The following FA2H variants were observed in gnomAD, a reference collection of about 807,000 sequenced individuals.
FA2H encodes fatty acid 2-hydroxylase.
Under a neutral mutation model 44.9 loss-of-function variants are expected in FA2H, and 22 were observed. That is an observed-to-expected ratio of 0.49 (90% CI 0.35 to 0.70). The LOEUF is 0.70. Ranked by LOEUF, FA2H falls within the 30% of genes least tolerant of loss-of-function variation. FA2H has a pLI of 0.01. For synonymous variants in FA2H, 243 were observed against 213.2 expected, an observed-to-expected ratio of 1.14 and a Z score of -1.22; for missense variants, 501 against 504.9, an observed-to-expected ratio of 0.99 and a Z score of 0.07.
chr16:74,723,600 G>A (rs1233219785), intron 4 of FA2H, among the ~76,000 whole-genome samples: 2 of 152,192 alleles, frequency 1.3e-5, no homozygotes, highest in African/African-American at 2.4e-5. Context: ...TACCAAAGGA[G>A]TCAGGTTCAA....
At chr16:74,744,653 T>A (rs777037150) in intron 1 of FA2H, among the ~76,000 whole-genome samples, 2 of 152,082 alleles carry the variant, frequency 1.3e-5, no homozygotes, top group Non-Finnish European at 2.9e-5. Context: ...GGTCTTGATC[T>A]ATTGCTCAGG....
chr16:74,729,277 G>A (rs111757997), intron 2 of FA2H, among the ~76,000 whole-genome samples: 12,245 of 152,198 alleles, frequency 0.08, 605 homozygotes, highest in African/African-American at 0.14. Flanking sequence ...CCAAAGTGCT[G>A]GGATTATGGG....
rs545431686 is a variant in FA2H, at chr16:74,716,906, G to C, written c.787-307C>G. Reference sequence around the variant, plus strand: ...GGCGGCTCAGAGCCCATCTTATAGAGGCCACTGTGACTCTGGAATTTGTCA... The same window carrying C: ...GGCGGCTCAGAGCCCATCTTATAGACGCCACTGTGACTCTGGAATTTGTCA... On this transcript the variant is annotated intron_variant, in intron 5 of 6. Coordinates refer to ENST00000219368, the MANE Select transcript of FA2H (RefSeq NM_024306.5). 1.0e-5 allele frequency: 4 copies of C among 398,222 alleles called. No homozygotes were observed. The East Asian group carries it at 1.8e-4, about 17-fold the overall frequency. 24.7% of individuals were successfully genotyped at this position (398,222 alleles called of 1,614,324 possible). A position where few individuals can be genotyped will look rare whatever the true frequency, so the allele number is the denominator to read the frequency against.
chr16:74,743,723 G>T (rs1030523654), intron 1 of FA2H, among the ~76,000 whole-genome samples: 1 of 152,140 alleles, frequency 6.6e-6, no homozygotes, highest in South Asian at 2.1e-4. Context: ...GCAATGTCAG[G>T]ACTGATATGC....
intron 5 of FA2H, among the ~76,000 whole-genome samples, chr16:74,718,671 C>T (rs1961761070): frequency 2.0e-5 from 3 of 152,200 alleles, no homozygotes; most frequent in East Asian, 1.9e-4. Flanking sequence ...AACAGTGTCT[C>T]GCACACAGGA....
intron 2 of FA2H, among the ~76,000 whole-genome samples, chr16:74,729,152 A>G (rs1962024278): frequency 6.6e-6 from 1 of 152,048 alleles, no homozygotes. Context: ...CTGGGATTAC[A>G]GGCACATGCC....
intron 2 of FA2H, among the ~76,000 whole-genome samples, chr16:74,734,514 C>T (rs918802009): frequency 5.3e-5 from 8 of 152,228 alleles, no homozygotes; most frequent in Non-Finnish European, 1.2e-4. Flanking sequence ...CATGCCCCTC[C>T]CCCAGCCTGC....
intron 6 of FA2H, among the ~76,000 whole-genome samples, chr16:74,715,458 A>G: frequency 6.6e-6 from 1 of 152,094 alleles, no homozygotes; most frequent in Admixed American, 6.5e-5. Context: ...CACATGGATA[A>G]TTAAAACTTT....
At position 74,727,344 on chromosome 16, in the gene FA2H, G is replaced by T. The variant is rs771134202; in HGVS notation, c.406C>A (p.His136Asn). 6.2e-7 allele frequency: 1 copy of T among 1,614,138 alleles called. No homozygotes were observed. Among genetic ancestry groups the T allele is most frequent in the Non-Finnish European group, 8.5e-7 (1 of 1,180,048 alleles). The change falls in exon 3 of 7, where the codon CAC (histidine) becomes AAC (asparagine). Residue 136 changes from histidine to asparagine, a missense_variant. By Grantham distance (68) the His-to-Asn change is moderately conservative. Transcript: ENST00000219368. Reference protein sequence around the residue: ...WRKPLLWQVGHLGEKYDEWVH... With the variant: ...WRKPLLWQVGNLGEKYDEWVH... ...CACTCATCGTACTTCTCTCCCAAGT[G>T]GCCCACCTGCCACAGGAGAGGCTTT...
chr16:74,757,355 AGT>A (rs1962629501), intron 1 of FA2H, among the ~76,000 whole-genome samples: 1 of 152,240 alleles, frequency 6.6e-6, no homozygotes, highest in Non-Finnish European at 1.5e-5. Context: ...AATTGGTGAA[AGT>A]GTGGAGAAAC....
At chr16:74,745,480 G>C (rs1962400672) in intron 1 of FA2H, among the ~76,000 whole-genome samples, 1 of 152,228 alleles carries the variant, frequency 6.6e-6, no homozygotes, top group Admixed American at 6.5e-5. Flanking sequence ...GCCTTCCATA[G>C]CCCACGTCTA....
In FA2H at chr16:74,733,214, T is replaced by C. The variant is rs568772716; in HGVS notation, c.364-5828A>G. Among the ~76,000 whole-genome samples, 16 of 152,222 alleles carry C rather than the reference T, an allele frequency of 1.1e-4. No individual in the cohort carries two copies. In the South Asian group the frequency reaches 2.3e-3, roughly 22 times the overall value. On this transcript the variant is annotated intron_variant, in intron 2 of 6. Transcript: ENST00000219368. Reference sequence around the variant, plus strand: ...TGGAGGAATCCCAGGGAGGCCTCGCTCTCCCTTCTGTGAACACCCGCCTCA... The same window carrying C: ...TGGAGGAATCCCAGGGAGGCCTCGCCCTCCCTTCTGTGAACACCCGCCTCA...
intron 2 of FA2H, among the ~76,000 whole-genome samples, chr16:74,731,478 T>G (rs905598845): frequency 2.0e-5 from 3 of 152,182 alleles, no homozygotes; most frequent in African/African-American, 7.2e-5. Context: ...TAAATCTATT[T>G]ACATTTAATG....
In FA2H at chr16:74,727,247, A is replaced by G. The variant is rs778226239; in HGVS notation, c.503T>C (p.Val168Ala). 3 of 1,613,924 alleles carry G rather than the reference A, an allele frequency of 1.9e-6. No homozygotes were observed. The South Asian group carries it at 3.3e-5, about 18-fold the overall frequency. Residue 168 changes from valine to alanine, a missense_variant, in exon 3 of 7, where the codon GTC becomes GCC. By Grantham distance (64) the Val-to-Ala change is moderately conservative (BLOSUM62 0). Coordinates refer to ENST00000219368, the MANE Select transcript of FA2H (RefSeq NM_024306.5). ...ACAGGCTCAGGGAAGAGCTCACCAG[A>G]CAGTCTTAGAGAGGCCCTCAATGAG... The part of the protein sequence containing the change: ...SDLIEGLSKT[V>A]WYSVPIIWVP...
rs1170133378 is a variant in FA2H, at chr16:74,752,343, C to T, written c.271-12228G>A. Among the ~76,000 whole-genome samples the T allele has an allele frequency of 3.3e-5, 5 of 152,118 alleles. No homozygotes were observed. In the East Asian group the frequency reaches 9.7e-4, roughly 29 times the overall value. On this transcript the variant is annotated intron_variant, in intron 1 of 6. Coordinates refer to ENST00000219368, the MANE Select transcript of FA2H (RefSeq NM_024306.5). ...CCGCCCTTGGTTCTCAGCATAAAAT[C>T]TAAATCCCTGGCCATGACCCATGAG... is the stretch of plus-strand genomic sequence containing the variant.
At chr16:74,720,180 CTTTTTTTTTTTTTTTTT>C (rs56341013) in intron 4 of FA2H, among the ~76,000 whole-genome samples, 10 of 47,200 alleles carry the variant, frequency 2.1e-4, no homozygotes, top group Admixed American at 6.9e-4. Context: ...CATCCTCATC[CTTTTTTTTTTTTTTTTT>C]TTTTTTTTTT....
rs573726388 is a variant in FA2H, at chr16:74,748,181, T to C, written c.271-8066A>G. Among the ~76,000 whole-genome samples, 18 of 152,350 alleles carry C rather than the reference T, an allele frequency of 1.2e-4. No individual in the cohort carries two copies. In the East Asian group the frequency reaches 3.5e-3, roughly 29 times the overall value. On this transcript the variant is annotated intron_variant, in intron 1 of 6. Coordinates refer to ENST00000219368, the MANE Select transcript of FA2H (RefSeq NM_024306.5). ...GCAGCCAGGGGCGGCCTTGTTCCCC[T>C]TCTTTAGGGCCTGAGAGGTCACTTC...
At chr16:74,750,645 C>A (rs1188633581) in intron 1 of FA2H, among the ~76,000 whole-genome samples, 1 of 152,196 alleles carries the variant, frequency 6.6e-6, no homozygotes, top group Non-Finnish European at 1.5e-5. Flanking sequence ...GCAATCTCCT[C>A]CCTGTGCAGT....
chr16:74,738,535 T>A (rs1318267436), intron 2 of FA2H, among the ~76,000 whole-genome samples: 1 of 152,150 alleles, frequency 6.6e-6, no homozygotes, highest in Non-Finnish European at 1.5e-5. Context: ...TTTGTTCATG[T>A]CACATCACCC....
Sources: gnomAD v4.1 joint callset for allele counts (sites outside exome capture counted in the v4.1 genomes callset) on GRCh38, gnomAD v4.1.1 for gene constraint, MANE v1.5 for transcripts, NCBI Gene and HGNC (gene_info 2026-07-23, HGNC 2026-07-21) for gene names.